Variants in C11orf65 observed in about 807,000 individuals in gnomAD.
C11orf65 encodes chromosome 11 open reading frame 65.
C11orf65 carries 38 observed loss-of-function variants against 35.3 expected under a neutral mutation model. That is an observed-to-expected ratio of 1.08 (90% CI 0.83 to 1.41). The LOEUF is 1.41. C11orf65 is among the 40% of genes most tolerant of loss of function. The pLI, the probability that C11orf65 is intolerant of heterozygous loss-of-function variation, is 0.00. For synonymous variants in C11orf65, 105 were observed against 114.4 expected (o/e 0.92, Z 0.53); for missense variants, 370 against 367.1 (o/e 1.01, Z -0.06).
intron 6 of C11orf65, among the ~76,000 whole-genome samples, chr11:108,404,963 C>A (rs377282001): frequency 2.2e-4 from 33 of 152,084 alleles, no homozygotes; most frequent in Non-Finnish European, 4.4e-5. Flanking sequence ...CAGACCGGGC[C>A]GAAGGCGGCC....
At chr11:108,342,635 T>C (rs933550371) in intron 2 of C11orf65, among the ~76,000 whole-genome samples, 11 of 152,212 alleles carry the variant, frequency 7.2e-5, no homozygotes, top group African/African-American at 2.7e-4. Context: ...AGCTGTTTAA[T>C]GGATAAAAGG....
intron 6 of C11orf65, among the ~76,000 whole-genome samples, chr11:108,309,971 T>G (rs528203238): frequency 3.9e-4 from 60 of 152,276 alleles, no homozygotes; most frequent in African/African-American, 1.4e-3. Flanking sequence ...ACCAAAAAGA[T>G]TAATTAAATA....
At chr11:108,433,066 G>C (rs1480612626) in intron 2 of C11orf65, among the ~76,000 whole-genome samples, 1 of 151,888 alleles carries the variant, frequency 6.6e-6, no homozygotes, top group Non-Finnish European at 1.5e-5. Flanking sequence ...ACATATCAGG[G>C]TCTTCAGCTG....
rs187875652 is a variant in C11orf65, at chr11:108,359,918, T to G, written c.227-24626A>C. On this transcript the variant is annotated intron_variant, in intron 2 of 3. Transcript: ENST00000524755. Reference sequence around the variant, plus strand: ...AAGGAAGAGCAAACACATTCAAAAGTTAGCAGAAGGCAAGAAATAACTAAA... The same window carrying G: ...AAGGAAGAGCAAACACATTCAAAAGGTAGCAGAAGGCAAGAAATAACTAAA... Among the ~76,000 whole-genome samples, 917 of 152,118 alleles carry G rather than the reference T, an allele frequency of 6.0e-3. 6 individuals are homozygous for G. Among genetic ancestry groups the G allele is most frequent in the East Asian group, 0.011 (55 of 5,170 alleles).
chr11:108,380,062 G>T (rs1430047135), downstream of C11orf65, among the ~76,000 whole-genome samples: 1 of 152,104 alleles, frequency 6.6e-6, no homozygotes, highest in Non-Finnish European at 1.5e-5. Context: ...TAATTCAGTT[G>T]CCCAAATGCT....
chr11:108,415,570 A>C (rs2092717827), intron 3 of C11orf65, among the ~76,000 whole-genome samples: 1 of 152,178 alleles, frequency 6.6e-6, no homozygotes, highest in African/African-American at 2.4e-5. Flanking sequence ...AATCTCAATC[A>C]AAATCCCAGG....
At chr11:108,398,673 T>G (rs1565646293) in intron 6 of C11orf65, among the ~76,000 whole-genome samples, 1 of 152,208 alleles carries the variant, frequency 6.6e-6, no homozygotes, top group Non-Finnish European at 1.5e-5. Flanking sequence ...CATGCCACCA[T>G]TCTGTCAAAG....
intron 2 of C11orf65, among the ~76,000 whole-genome samples, chr11:108,438,158 G>C (rs754105912): frequency 2.0e-5 from 3 of 152,166 alleles, no homozygotes; most frequent in Non-Finnish European, 4.4e-5. Flanking sequence ...GAAGAGGACA[G>C]TATTTTCAAC....
chr11:108,409,317 A>G (rs1316364384), intron 3 of C11orf65, among the ~76,000 whole-genome samples: 2 of 152,116 alleles, frequency 1.3e-5, no homozygotes, highest in African/African-American at 4.8e-5. Flanking sequence ...ATTCATTTTT[A>G]TGTCTTCTGT....
Position 108,437,863 on chromosome 11 carries a change from G to A in C11orf65, c.82-6025C>T, listed in dbSNP as rs143564292. Among the ~76,000 whole-genome samples the A allele has an allele frequency of 9.7e-4, 148 of 151,986 alleles. 4 individuals are homozygous for A. The East Asian group carries it at 0.021, about 21-fold the overall frequency. ...TGTAATCACTATCCAAAATCCCAAC[G>A]GCACTTTTTGAAAAAATAGAAAAGC... On this transcript the variant is annotated intron_variant, in intron 2 of 8. Coordinates refer to ENST00000393084, the MANE Select transcript of C11orf65 (RefSeq NM_152587.5).
At chr11:108,360,559 C>T (rs1298014166) in intron 2 of C11orf65, among the ~76,000 whole-genome samples, 4 of 141,022 alleles carry the variant, frequency 2.8e-5, no homozygotes, top group Non-Finnish European at 6.1e-5. Flanking sequence ...AAAATACTGG[C>T]AAAACGAATC....
chr11:108,440,572 T>G (rs1026532249), intron 2 of C11orf65, among the ~76,000 whole-genome samples: 1 of 152,158 alleles, frequency 6.6e-6, no homozygotes, highest in Non-Finnish European at 1.5e-5. Context: ...TAATATCTGT[T>G]AAAACAGGAT....
At chr11:108,423,679 G>A (rs1394133282) in intron 3 of C11orf65, among the ~76,000 whole-genome samples, 4 of 152,150 alleles carry the variant, frequency 2.6e-5, no homozygotes, top group African/African-American at 9.7e-5. Context: ...GCATCTGGCA[G>A]GTGCCCCTCT....
At chr11:108,311,007 G>A (rs1469012705) in intron 6 of C11orf65, among the ~76,000 whole-genome samples, 8 of 152,022 alleles carry the variant, frequency 5.3e-5, no homozygotes, top group Non-Finnish European at 8.8e-5. Context: ...TCATTATTTC[G>A]CCCAGGCTGT....
In C11orf65 at chr11:108,433,012, C is replaced by A. The variant is rs575264667; in HGVS notation, c.82-1174G>T. Reference sequence around the variant, plus strand: ...GACTCATACATGTGGCCTTAGTCAGCTGCCAGATCAGCTGGAGTTGAGTGA... The same window carrying A: ...GACTCATACATGTGGCCTTAGTCAGATGCCAGATCAGCTGGAGTTGAGTGA... On this transcript the variant is annotated intron_variant, in intron 2 of 8. Coordinates refer to ENST00000393084, the MANE Select transcript of C11orf65 (RefSeq NM_152587.5). 6.6e-5 allele frequency among the ~76,000 whole-genome samples: 10 copies of A among 152,154 alleles called. No homozygotes were observed. The South Asian group carries it at 2.1e-3, about 32-fold the overall frequency.
At chr11:108,407,622 T>TA (rs961090077) in intron 3 of C11orf65, among the ~76,000 whole-genome samples, 2 of 151,504 alleles carry the variant, frequency 1.3e-5, no homozygotes, top group African/African-American at 4.8e-5. Flanking sequence ...GCTCAGCCAT[T>TA]AAAAAAAATT....
intron 2 of C11orf65, among the ~76,000 whole-genome samples, chr11:108,364,677 G>T (rs2091149178): frequency 6.6e-6 from 1 of 152,168 alleles, no homozygotes; most frequent in Non-Finnish European, 1.5e-5. Context: ...TAGGCTTGCT[G>T]GTGCTCTCCA....
rs1565532289 is a variant in C11orf65, at chr11:108,331,495, T to C, written c.*55A>G. Reference sequence around the variant, plus strand: ...TAAATTTTTGCCTCTTATGTACCAATTGGCTGCTAGAATGGGGACCAAGAT... The same window carrying C: ...TAAATTTTTGCCTCTTATGTACCAACTGGCTGCTAGAATGGGGACCAAGAT... On this transcript the variant is annotated 3_prime_UTR_variant, in exon 4 of 4. Coordinates refer to the C11orf65 transcript ENST00000524755. 3 of 1,613,566 alleles carry C rather than the reference T, an allele frequency of 1.9e-6. No homozygotes were observed. The highest frequency in any genetic ancestry group is 1.1e-5 in the South Asian group (1 of 91,030).
intron 6 of C11orf65, among the ~76,000 whole-genome samples, chr11:108,400,014 T>C (rs1401970372): frequency 6.6e-6 from 1 of 152,208 alleles, no homozygotes; most frequent in Non-Finnish European, 1.5e-5. Context: ...TCTAATGCTG[T>C]TGGGACTGCT....
Sources: gnomAD v4.1 joint callset for allele counts (sites outside exome capture counted in the v4.1 genomes callset) on GRCh38, gnomAD v4.1.1 for gene constraint, MANE v1.5 for transcripts, NCBI Gene and HGNC (gene_info 2026-07-23, HGNC 2026-07-21) for gene names.